The following PRR11 variants were observed in gnomAD, a reference collection of about 807,000 sequenced individuals.
The protein encoded by PRR11 is proline rich 11, also known as proline-rich protein 11.
Under a neutral mutation model 45.6 loss-of-function variants are expected in PRR11, and 30 were observed. That is an observed-to-expected ratio of 0.66 (90% CI 0.49 to 0.89). The LOEUF (loss-of-function observed/expected upper bound fraction) is 0.89, where lower values mean the gene tolerates loss of function less well. Ranked by LOEUF, PRR11 falls within the 40% of genes least tolerant of loss-of-function variation. The pLI is 0.00. For missense variants in PRR11, 373 were observed against 424.8 expected, an observed-to-expected ratio of 0.88 and a Z score of 1.07; for synonymous variants, 128 against 153.5, an observed-to-expected ratio of 0.83 and a Z score of 1.23.
At position 59,205,418 on chromosome 17, in the gene PRR11, T is replaced by G. The variant is rs2147860814; in HGVS notation, c.*3787T>G. 6.6e-6 allele frequency among the ~76,000 whole-genome samples: 1 copy of G among 151,606 alleles called. No individual in the cohort carries two copies. The highest frequency in any genetic ancestry group is 2.1e-4 in the South Asian group (1 of 4,750). On this transcript the variant is annotated 3_prime_UTR_variant, in exon 10 of 10. Coordinates refer to ENST00000262293, the MANE Select transcript of PRR11 (RefSeq NM_018304.4). The stretch of plus-strand genomic sequence containing the variant: ...TATAATACCTATAGAAAAGTAAATG[T>G]TGGCCGGGTGCGGTGGCTCATGCCT...
chr17:59,197,510 C>T, intron 7 of PRR11, 34 bp from the exon 8 acceptor site: 1 of 1,595,586 alleles, frequency 6.3e-7, no homozygotes, highest in South Asian at 1.1e-5. Flanking sequence ...CTCAGCCTCC[C>T]AAAGTTCTAA....
rs1348607513 is a variant in PRR11 at position 59,204,802 on chromosome 17, G to A, written c.*3171G>A. ...CTAGCACTTTGGGAGGCTAAGGCAGGAGGATTGCTTGAGGCCAAGAGTTCA... is the reference window on the plus strand; with the variant it reads ...CTAGCACTTTGGGAGGCTAAGGCAGAAGGATTGCTTGAGGCCAAGAGTTCA... On this transcript the variant is annotated 3_prime_UTR_variant, in exon 10 of 10. Coordinates refer to ENST00000262293, the MANE Select transcript of PRR11 (RefSeq NM_018304.4). 1 of 152,274 alleles carries A rather than the reference G, an allele frequency of 6.6e-6. No individual in the cohort carries two copies. The highest frequency in any genetic ancestry group is 2.4e-5 in the African/African-American group (1 of 41,432). The allele number at this position is 152,274 out of a possible 1,614,324, so 9.4% of individuals were successfully genotyped here. A position where few individuals can be genotyped will look rare whatever the true frequency, so the allele number is the denominator to read the frequency against.
At chr17:59,189,416 C>CT (rs1314443913) in intron 4 of PRR11, among the ~76,000 whole-genome samples, 2 of 152,100 alleles carry the variant, frequency 1.3e-5, no homozygotes, top group Non-Finnish European at 2.9e-5. Context: ...TCACTGCAAC[C>CT]TCCGCCTTCT....
At chr17:59,170,216 C>T (rs1394383924) in intron 2 of PRR11, among the ~76,000 whole-genome samples, 3 of 151,840 alleles carry the variant, frequency 2.0e-5, no homozygotes, top group Non-Finnish European at 4.4e-5. Context: ...CACACCACTG[C>T]ACTCAAGCCT....
intron 9 of PRR11, among the ~76,000 whole-genome samples, chr17:59,201,233 A>T (rs1021003779): frequency 7.9e-5 from 12 of 152,136 alleles, no homozygotes; most frequent in Non-Finnish European, 5.9e-5. Context: ...CAACTATAAT[A>T]CAGTGGCTTC....
intron 9 of PRR11, 108 bp downstream of exon 9, chr17:59,197,897 A>G: frequency 2.1e-6 from 2 of 943,628 alleles, no homozygotes; most frequent in Non-Finnish European, 3.3e-6. Context: ...AGGTGGGGAG[A>G]TTGCTTGAGC....
At chr17:59,198,541 G>C (rs1391418678) in intron 9 of PRR11, among the ~76,000 whole-genome samples, 2 of 152,176 alleles carry the variant, frequency 1.3e-5, no homozygotes, top group Non-Finnish European at 2.9e-5. Context: ...AGGTGTGGTG[G>C]CGGATGCCTG....
intron 2 of PRR11, among the ~76,000 whole-genome samples, chr17:59,178,172 A>T (rs985266990): frequency 2.6e-5 from 4 of 151,992 alleles, no homozygotes; most frequent in African/African-American, 9.7e-5. Context: ...CATCTCTACT[A>T]AAAACACAAA....
At chr17:59,197,648 A>G in intron 8 of PRR11, 45 bp downstream of exon 8, 1 of 1,611,364 alleles carries the variant, frequency 6.2e-7, no homozygotes, top group East Asian at 2.2e-5. Flanking sequence ...CCATTTTAAA[A>G]GTTGCCATAA....
chr17:59,182,551 C>T lies in PRR11; in HGVS notation c.129-2503C>T, dbSNP rs141447747. 3.3e-4 allele frequency among the ~76,000 whole-genome samples: 50 copies of T among 151,734 alleles called. 1 individual carries two copies. In the East Asian group the frequency reaches 9.5e-3, roughly 29 times the overall value. ...GGATTACAGGCGCGCACCACTACCA[C>T]CTGGCTAATTTTTGTACTTTTAGTA... On this transcript the variant is annotated intron_variant, in intron 2 of 9. Transcript: ENST00000262293.
chr17:59,177,517 T>G (rs545550640), intron 2 of PRR11, among the ~76,000 whole-genome samples: 1 of 152,120 alleles, frequency 6.6e-6, no homozygotes, highest in African/African-American at 2.4e-5. Context: ...TGTGTCTAGG[T>G]CGGCTGGTAT....
chr17:59,181,911 C>A, intron 2 of PRR11: 1 of 1,184,282 alleles, frequency 8.4e-7, no homozygotes, highest in Non-Finnish European at 1.2e-6. Flanking sequence ...ACCCCATGAG[C>A]CGCTCCTTCC....
chr17:59,179,133 G>A (rs1390669408), intron 2 of PRR11, among the ~76,000 whole-genome samples: 3 of 152,044 alleles, frequency 2.0e-5, no homozygotes, highest in Admixed American at 2.0e-4. Context: ...CTGAGTAGCT[G>A]GGATTACAGG....
Position 59,206,546 on chromosome 17 carries a change from T to C in PRR11, c.*4915T>C, listed in dbSNP as rs397834118. On this transcript the variant is annotated 3_prime_UTR_variant, in exon 10 of 10. Coordinates refer to ENST00000262293, the MANE Select transcript of PRR11 (RefSeq NM_018304.4). ...TGACAGATTTTATATTGTAACCATT[T>C]GAGAACTCTGTAAGTGCTATGGCTT... Among the ~76,000 whole-genome samples the C allele has an allele frequency of 5.6e-3, 852 of 151,734 alleles. 4 individuals are homozygous for C. Among genetic ancestry groups the C allele is most frequent in the Non-Finnish European group, 8.6e-3 (580 of 67,762 alleles).
chr17:59,177,258 G>A, intron 2 of PRR11: 2 of 548,424 alleles, frequency 3.6e-6, no homozygotes, highest in Non-Finnish European at 3.7e-6. Context: ...GGAGATACTG[G>A]TGGAGAGAAA....
At chr17:59,199,684 C>G (rs1236847394) in intron 9 of PRR11, among the ~76,000 whole-genome samples, 2 of 152,228 alleles carry the variant, frequency 1.3e-5, no homozygotes, top group Non-Finnish European at 2.9e-5. Flanking sequence ...CGTTCTCTCT[C>G]TGGATGCAGG....
At chr17:59,160,911 T>C (rs983257665) in intron 1 of PRR11, 1 of 151,600 alleles carries the variant, frequency 6.6e-6, no homozygotes, top group African/African-American at 2.4e-5. Flanking sequence ...TTTTTTTCTT[T>C]TTTTCATACA....
At chr17:59,172,553 G>A (rs936235891) in intron 2 of PRR11, among the ~76,000 whole-genome samples, 2 of 152,226 alleles carry the variant, frequency 1.3e-5, no homozygotes, top group African/African-American at 4.8e-5. Context: ...CCGGGGCTGC[G>A]CGCTGCGCTT....
chr17:59,193,655 CA>C lies in PRR11; in HGVS notation c.567del (p.Pro190LeufsTer11). The C allele has an allele frequency of 6.2e-7, 1 of 1,614,150 alleles. No homozygotes were observed. The highest frequency in any genetic ancestry group is 8.5e-7 in the Non-Finnish European group (1 of 1,180,014). ...GCCAGCCATTTTCCTCCTCCTCCTC[CA>C]CCTCCACCTCTGCCACCTCCTCCAC... ...QPASHFPPPP[P>X]PPPLPPPPPP... is the part of the protein sequence containing the mutation. On this transcript the variant is annotated frameshift_variant, in exon 5 of 10. Transcript: ENST00000262293. LOFTEE classifies it high-confidence loss of function.
Sources: gnomAD v4.1 joint callset for allele counts (sites outside exome capture counted in the v4.1 genomes callset) on GRCh38, gnomAD v4.1.1 for gene constraint, MANE v1.5 for transcripts, NCBI Gene and HGNC (gene_info 2026-07-23, HGNC 2026-07-21) for gene names.